Variants in KIAA1755 observed in about 807,000 individuals in gnomAD.
KIAA1755 encodes KIAA1755.
A neutral mutation model predicts 91.7 loss-of-function variants in KIAA1755; 68 were observed. The observed-to-expected ratio is 0.74, with a 90% confidence interval of 0.61 to 0.91. KIAA1755 has a LOEUF of 0.91. Ranked by LOEUF, KIAA1755 falls within the 40% of genes least tolerant of loss-of-function variation. The pLI, the probability that KIAA1755 is intolerant of heterozygous loss-of-function variation, is 0.00. For missense variants in KIAA1755, 1,535 were observed against 1,494.4 expected (o/e 1.03, Z -0.45); for synonymous variants, 610 against 604.6 (o/e 1.01, Z -0.13).
chr20:38,241,367 C>T lies in KIAA1755; in HGVS notation c.764G>A (p.Arg255Gln), dbSNP rs41282824. The change falls in exon 3 of 14, where the codon CGG becomes CAG. Residue 255 changes from arginine (R) to glutamine (Q), a missense_variant. By Grantham distance (43) the Arg-to-Gln change is conservative. Transcript: ENST00000279024. ...YPGLIKVEQA[R>Q]CGEVAFRMDE... ...CATCCTGAAAGCCACCTCCCCACAC[C>T]GGGCTTGCTCCACCTTGATGAGTCC... 43,712 of 1,614,140 alleles carry T rather than the reference C, an allele frequency of 0.027. 786 individuals carry two copies. The highest frequency in any genetic ancestry group is 0.073 in the African/African-American group (5,501 of 75,016).
At chr20:38,242,836 A>G (rs535496356) in intron 2 of KIAA1755, among the ~76,000 whole-genome samples, 1 of 152,358 alleles carries the variant, frequency 6.6e-6, no homozygotes, top group South Asian at 2.1e-4. Context: ...AAATAAATGA[A>G]GGCTTATTTG....
intron 13 of KIAA1755, among the ~76,000 whole-genome samples, chr20:38,214,292 T>C (rs927452518): frequency 1.3e-5 from 2 of 152,160 alleles, no homozygotes; most frequent in Admixed American, 1.3e-4. Flanking sequence ...AGCAGGGACT[T>C]AGCCCTCTCT....
chr20:38,234,800 C>T (rs968728146), intron 4 of KIAA1755, among the ~76,000 whole-genome samples: 4 of 152,220 alleles, frequency 2.6e-5, no homozygotes, highest in African/African-American at 9.6e-5. Context: ...TTGATTACAG[C>T]AAGGGGCAGT....
intron 2 of KIAA1755, among the ~76,000 whole-genome samples, chr20:38,244,602 A>G (rs1369066357): frequency 1.3e-5 from 2 of 152,224 alleles, no homozygotes; most frequent in Non-Finnish European, 2.9e-5. Context: ...TAATAACAAC[A>G]GAGCAGGGAA....
intron 3 of KIAA1755, 83 bp downstream of exon 3, chr20:38,240,497 CTA>C: frequency 7.3e-7 from 1 of 1,365,030 alleles, no homozygotes; most frequent in Non-Finnish European, 9.6e-7. Flanking sequence ...CAGGTGGTCT[CTA>C]TCACTTACAA....
At chr20:38,237,490 GT>G (rs1568757461) in intron 4 of KIAA1755, among the ~76,000 whole-genome samples, 1 of 152,098 alleles carries the variant, frequency 6.6e-6, no homozygotes, top group Non-Finnish European at 1.5e-5. Context: ...GCGAGTGAGT[GT>G]TTGAAAGGAA....
At chr20:38,217,740 C>T in intron 12 of KIAA1755, 1 of 555,290 alleles carries the variant, frequency 1.8e-6, no homozygotes, top group South Asian at 2.4e-5. Flanking sequence ...CCGGGCTCTG[C>T]TTAGATGTTC....
At chr20:38,260,371 G>C (rs771515034) in intron 1 of KIAA1755, 127 bp downstream of exon 1, 1 of 1,596,368 alleles carries the variant, frequency 6.3e-7, no homozygotes, top group Non-Finnish European at 8.5e-7. Flanking sequence ...GCACAACCCT[G>C]CCAAGGCACT....
intron 9 of KIAA1755, 168 bp from the exon 10 acceptor site, chr20:38,222,765 C>T (rs2075685009): frequency 4.2e-6 from 3 of 717,408 alleles, no homozygotes; most frequent in African/African-American, 1.7e-5. Context: ...TGTCCCCTCT[C>T]GTCACCACGG....
chr20:38,254,138 G>A (rs2076298465), intron 1 of KIAA1755, among the ~76,000 whole-genome samples: 1 of 152,162 alleles, frequency 6.6e-6, no homozygotes, highest in South Asian at 2.1e-4. Flanking sequence ...ACCCACCTTG[G>A]CCTCCCAAAG....
chr20:38,240,632 A>C lies in KIAA1755; in HGVS notation c.1499T>G (p.Leu500Arg), dbSNP rs779068197. The change falls in exon 3 of 14, where the codon CTG becomes CGG. Residue 500 changes from leucine (L) to arginine (R), a missense_variant. Transcript: ENST00000279024. ...GGGTTTAGGAGAGTAGAGGGAACAC[A>C]GGACTTTCCAGGGCCCATTGTGCTG... ...SLQHNGPWKV[L>R]CSLYSPKPNR... The C allele has an allele frequency of 3.3e-6, 5 of 1,516,832 alleles. No homozygotes were observed. The South Asian group carries it at 6.7e-5, about 20-fold the overall frequency. The allele number at this position is 1,516,832 out of a possible 1,614,324, so 94.0% of individuals were successfully genotyped here. A position where few individuals can be genotyped will look rare whatever the true frequency, so the allele number is the denominator to read the frequency against.
Position 38,225,575 on chromosome 20 carries a change from T to C in KIAA1755, c.2169+90A>G. 9.3e-6 allele frequency: 8 copies of C among 858,688 alleles called. No individual in the cohort carries two copies. In the South Asian group the frequency reaches 1.1e-4, roughly 11 times the overall value. 53.2% of individuals were successfully genotyped at this position (858,688 alleles called of 1,614,324 possible). ...TTGAGTGACCGTTTATTTTTTAGCA[T>C]AGCAGGGTTGATGGATCCATGGGAC... is the stretch of plus-strand genomic sequence containing the variant. On this transcript the variant is annotated intron_variant, in intron 8 of 13. Coordinates refer to ENST00000279024, the MANE Select transcript of KIAA1755 (RefSeq NM_001029864.2).
chr20:38,252,760 C>T (rs1231097279), intron 1 of KIAA1755, among the ~76,000 whole-genome samples: 1 of 152,200 alleles, frequency 6.6e-6, no homozygotes, highest in Non-Finnish European at 1.5e-5. Flanking sequence ...ATTTAAGGGG[C>T]AGCCAGTAAA....
At chr20:38,249,032 T>C (rs1369195123) in intron 1 of KIAA1755, among the ~76,000 whole-genome samples, 2 of 152,002 alleles carry the variant, frequency 1.3e-5, no homozygotes, top group Non-Finnish European at 2.9e-5. Flanking sequence ...CCCACCACCA[T>C]GCCTAGCTAA....
chr20:38,221,431 G>T (rs2075657237), intron 10 of KIAA1755, among the ~76,000 whole-genome samples: 1 of 152,128 alleles, frequency 6.6e-6, no homozygotes, highest in East Asian at 1.9e-4. Context: ...TACCAGTGCT[G>T]CCCGTGCGTC....
intron 1 of KIAA1755, among the ~76,000 whole-genome samples, chr20:38,247,560 C>G (rs570851140): frequency 6.6e-6 from 1 of 152,184 alleles, no homozygotes; most frequent in South Asian, 2.1e-4. Context: ...CCTATTACAG[C>G]GGTTCCCATC....
chr20:38,213,976 G>T (rs1433692827), intron 13 of KIAA1755, among the ~76,000 whole-genome samples: 3 of 150,046 alleles, frequency 2.0e-5, no homozygotes, highest in African/African-American at 7.4e-5. Context: ...TTTTGAGATG[G>T]AGTCTCGCTC....
At chr20:38,216,717 G>A (rs2075549119) in intron 13 of KIAA1755, 1 of 413,250 alleles carries the variant, frequency 2.4e-6, no homozygotes, top group South Asian at 1.7e-5. Flanking sequence ...TCTGTAAAAT[G>A]GGAACAACAT....
intron 12 of KIAA1755, chr20:38,218,031 G>A (rs945545581): frequency 1.6e-6 from 1 of 620,622 alleles, no homozygotes; most frequent in Non-Finnish European, 2.8e-6. Context: ...ACCCTCTGGG[G>A]GATTCAGAAT....
Sources: allele counts gnomAD v4.1 joint callset (sites outside exome capture counted in the v4.1 genomes callset), GRCh38; gene constraint gnomAD v4.1.1; transcripts MANE v1.5; gene names NCBI Gene and HGNC (gene_info 2026-07-23, HGNC 2026-07-21).